ERBB4: variants seen among roughly 807,000 people sequenced by gnomAD.
ERBB4 encodes the protein receptor tyrosine-protein kinase erbB-4.
In ERBB4, 42 loss-of-function variants were observed where a neutral mutation model predicts 158.0. That is an observed-to-expected ratio of 0.27 (90% CI 0.21 to 0.34). The LOEUF (loss-of-function observed/expected upper bound fraction) is 0.34. Ranked by LOEUF, ERBB4 falls within the 10% of genes least tolerant of loss-of-function variation. ERBB4 has a pLI of 1.00. For synonymous variants in ERBB4, 583 were observed against 558.7 expected (o/e 1.04, Z -0.61); for missense variants, 1,333 against 1,624.1 (o/e 0.82, Z 3.08).
intron 20 of ERBB4, among the ~76,000 whole-genome samples, chr2:211,478,377 C>T (rs536427262): frequency 3.9e-5 from 6 of 152,084 alleles, no homozygotes; most frequent in Non-Finnish European, 8.8e-5. Flanking sequence ...GACAAATCTG[C>T]GTTTCCAGAT....
At chr2:211,433,110 C>T (rs1285784370) in intron 20 of ERBB4, among the ~76,000 whole-genome samples, 2 of 151,976 alleles carry the variant, frequency 1.3e-5, no homozygotes, top group Non-Finnish European at 2.9e-5. Context: ...CGTACTTGCA[C>T]CAAGATATGC....
At chr2:211,869,220 C>T (rs187317030) in intron 3 of ERBB4, among the ~76,000 whole-genome samples, 1 of 152,156 alleles carries the variant, frequency 6.6e-6, no homozygotes, top group African/African-American at 2.4e-5. Context: ...AGCATAGGCT[C>T]TGAAGCCAGA....
At chr2:212,452,957 G>A (rs1255497583) in intron 1 of ERBB4, among the ~76,000 whole-genome samples, 1 of 152,044 alleles carries the variant, frequency 6.6e-6, no homozygotes, top group East Asian at 1.9e-4. Flanking sequence ...TTAGTTCTCT[G>A]TTAACATTTG....
intron 1 of ERBB4, among the ~76,000 whole-genome samples, chr2:212,145,490 G>A (rs7559605): frequency 0.086 from 13,103 of 152,114 alleles, 1,195 homozygotes; most frequent in African/African-American, 0.23. Flanking sequence ...CCCCAGAAAA[G>A]CTAAAGAGAA....
At chr2:212,257,119 G>A (rs937268829) in intron 1 of ERBB4, among the ~76,000 whole-genome samples, 1 of 152,056 alleles carries the variant, frequency 6.6e-6, no homozygotes, top group Non-Finnish European at 1.5e-5. Context: ...TGTTCCCAAT[G>A]TTTAGGTCCC....
At chr2:211,485,721 G>C (rs190104933) in intron 20 of ERBB4, among the ~76,000 whole-genome samples, 1 of 130,308 alleles carries the variant, frequency 7.7e-6, no homozygotes, top group Admixed American at 8.0e-5. Flanking sequence ...GGTGGGGGGA[G>C]GGGGGAGGGA....
At chr2:211,456,802 G>C (rs2064393605) in intron 20 of ERBB4, among the ~76,000 whole-genome samples, 1 of 152,024 alleles carries the variant, frequency 6.6e-6, no homozygotes. Flanking sequence ...TCACAATAGG[G>C]ATCCCACTCC....
chr2:211,676,495 T>C (rs1269250578), intron 13 of ERBB4, among the ~76,000 whole-genome samples: 5 of 152,178 alleles, frequency 3.3e-5, no homozygotes. Context: ...TACATACACA[T>C]GTTTATAAAT....
chr2:212,167,649 A>G (rs2081387957), intron 1 of ERBB4, among the ~76,000 whole-genome samples: 1 of 152,184 alleles, frequency 6.6e-6, no homozygotes, highest in Non-Finnish European at 1.5e-5. Flanking sequence ...GCGTATGTTT[A>G]CTGCAGCATT....
In ERBB4 at chr2:211,768,686, C is replaced by A. The variant is rs116758542; in HGVS notation, c.557-17982G>T. Among the ~76,000 whole-genome samples, 1,457 of 152,122 alleles carry A rather than the reference C, an allele frequency of 9.6e-3. 25 individuals carry two copies. Among genetic ancestry groups the A allele is most frequent in the African/African-American group, 0.033 (1,385 of 41,504 alleles). On this transcript the variant is annotated intron_variant, in intron 4 of 27. Coordinates refer to ENST00000342788, the MANE Select transcript of ERBB4 (RefSeq NM_005235.3). ...TATGTTGGCTCCTTTTAGCAATGGC[C>A]GGAATGCAGGGCAGCAAGTCCTGAG...
At position 211,471,524 on chromosome 2, in the gene ERBB4, A is replaced by G. The variant is rs375643402; in HGVS notation, c.2488-40424T>C. Among the ~76,000 whole-genome samples the G allele has an allele frequency of 6.6e-4, 101 of 152,242 alleles. 1 individual carries two copies. In the South Asian group the frequency reaches 0.021, roughly 31 times the overall value. ...AGCGCCAAAAAAAAACTTGTGAGTGACCTGTTTCATTTCCCACTTCTGAAA... is the reference window on the plus strand; with the variant it reads ...AGCGCCAAAAAAAAACTTGTGAGTGGCCTGTTTCATTTCCCACTTCTGAAA... On this transcript the variant is annotated intron_variant, in intron 20 of 27. Coordinates refer to ENST00000342788, the MANE Select transcript of ERBB4 (RefSeq NM_005235.3).
chr2:212,070,567 G>T (rs1196786582), intron 2 of ERBB4, among the ~76,000 whole-genome samples: 1 of 152,004 alleles, frequency 6.6e-6, no homozygotes, highest in Non-Finnish European at 1.5e-5. Flanking sequence ...CTTTTGGCCA[G>T]GGAATCAAGA....
chr2:212,115,955 T>C (rs1467619547), intron 2 of ERBB4, among the ~76,000 whole-genome samples: 1 of 152,168 alleles, frequency 6.6e-6, no homozygotes, highest in Non-Finnish European at 1.5e-5. Flanking sequence ...TTAATTTAAA[T>C]ATATTTGCAA....
intron 1 of ERBB4, among the ~76,000 whole-genome samples, chr2:212,380,152 T>A (rs2090456663): frequency 6.6e-6 from 1 of 151,196 alleles, no homozygotes; most frequent in Non-Finnish European, 1.5e-5. Flanking sequence ...ACACAGTTGG[T>A]CTTCTATATC....
intron 16 of ERBB4, among the ~76,000 whole-genome samples, chr2:211,648,379 A>T (rs144860167): frequency 0.029 from 4,368 of 149,748 alleles, 97 homozygotes; most frequent in Non-Finnish European, 0.044. Flanking sequence ...ATGTAAATGC[A>T]TGTAAATAAT....
intron 3 of ERBB4, among the ~76,000 whole-genome samples, chr2:211,899,307 CTCTA>C (rs904547315): frequency 6.6e-6 from 1 of 151,962 alleles, no homozygotes; most frequent in Non-Finnish European, 1.5e-5. Flanking sequence ...TCTTCATTTC[CTCTA>C]TCTATTTTCT....
chr2:212,393,489 C>T (rs996356137), intron 1 of ERBB4, among the ~76,000 whole-genome samples: 18 of 151,896 alleles, frequency 1.2e-4, no homozygotes, highest in East Asian at 1.2e-3. Context: ...AATAATAAAA[C>T]GTACCACCTT....
intron 4 of ERBB4, among the ~76,000 whole-genome samples, chr2:211,787,384 T>C (rs188869077): frequency 6.6e-5 from 10 of 152,326 alleles, no homozygotes; most frequent in African/African-American, 2.4e-4. Context: ...TAAATCATAT[T>C]AAACACTTTA....
chr2:211,533,769 A>C (rs951601782), intron 20 of ERBB4, among the ~76,000 whole-genome samples: 1 of 152,100 alleles, frequency 6.6e-6, no homozygotes, highest in African/African-American at 2.4e-5. Context: ...GTGCATGACT[A>C]TTTGTATTTT....
Sources: allele counts gnomAD v4.1 joint callset (sites outside exome capture counted in the v4.1 genomes callset), GRCh38; gene constraint gnomAD v4.1.1; transcripts MANE v1.5; gene names NCBI Gene and HGNC (gene_info 2026-07-23, HGNC 2026-07-21).